Variants in ADAMTS16 observed in about 807,000 individuals in gnomAD.
ADAMTS16 encodes ADAM metallopeptidase with thrombospondin type 1 motif 16.
A neutral mutation model predicts 145.8 loss-of-function variants in ADAMTS16; 94 were observed. That is an observed-to-expected ratio of 0.64 (90% CI 0.55 to 0.77). ADAMTS16 has a LOEUF of 0.77. ADAMTS16 is among the 30% of genes least tolerant of loss of function. The pLI is 0.00. For synonymous variants in ADAMTS16, 659 were observed against 604.3 expected, an observed-to-expected ratio of 1.09 and a Z score of -1.33; for missense variants, 1,585 against 1,591.5, an observed-to-expected ratio of 1.00 and a Z score of 0.07.
intron 17 of ADAMTS16, among the ~76,000 whole-genome samples, chr5:5,258,164 T>C (rs1737860296): frequency 6.6e-6 from 1 of 152,186 alleles, no homozygotes; most frequent in Admixed American, 6.5e-5. Flanking sequence ...ATTGATTGAA[T>C]CATCCGCCGT....
At chr5:5,240,453 G>A (rs1737253357) in intron 16 of ADAMTS16, among the ~76,000 whole-genome samples, 1 of 152,244 alleles carries the variant, frequency 6.6e-6, no homozygotes, top group South Asian at 2.1e-4. Context: ...ACTCATGAAT[G>A]CAGAGGCTCA....
chr5:5,258,615 G>A (rs543249231), intron 17 of ADAMTS16, among the ~76,000 whole-genome samples: 9 of 152,264 alleles, frequency 5.9e-5, no homozygotes, highest in Non-Finnish European at 2.9e-5. Context: ...ACCTGCTGGC[G>A]AAGCCCACAG....
intron 12 of ADAMTS16, among the ~76,000 whole-genome samples, chr5:5,234,108 T>C (rs903024785): frequency 9.8e-5 from 15 of 152,330 alleles, no homozygotes; most frequent in African/African-American, 3.4e-4. Flanking sequence ...GTTGTTTCAG[T>C]CCCATCTTTA....
intron 3 of ADAMTS16, among the ~76,000 whole-genome samples, chr5:5,175,553 A>G (rs1032069639): frequency 6.6e-6 from 1 of 152,130 alleles, no homozygotes; most frequent in Non-Finnish European, 1.5e-5. Flanking sequence ...CACCGGTTGT[A>G]CACCCAACAT....
chr5:5,187,766 C>T lies in ADAMTS16; in HGVS notation c.1005C>T (p.Ile335=). 4 of 1,612,470 alleles carry T rather than the reference C, an allele frequency of 2.5e-6. No homozygotes were observed. The South Asian group carries it at 4.4e-5, about 18-fold the overall frequency. ...AAGATGGAACAATAGGAGGAAACAT[C>T]AACATTGCAATTGTAGGTCTGATTC... ...LFKDGTIGGN[I]NIAIVGLILL... Residue 335 remains isoleucine, a synonymous_variant, in exon 6 of 23, where the codon ATC becomes ATT. Transcript: ENST00000274181.
At chr5:5,145,530 G>A (rs912321458) in intron 2 of ADAMTS16, among the ~76,000 whole-genome samples, 1 of 152,210 alleles carries the variant, frequency 6.6e-6, no homozygotes, top group Non-Finnish European at 1.5e-5. Context: ...CCAGACAGCG[G>A]GTTGTTGAAT....
chr5:5,190,070 G>T lies in ADAMTS16; in HGVS notation c.1147G>T (p.Ala383Ser). ...MGKDGTRHDH[A>S]ILLTGLDICS... ...GAAAGATGGGACTCGTCATGACCACGCCATCTTACTGACTGGTCTGGATAT... is the reference window on the plus strand; with the variant it reads ...GAAAGATGGGACTCGTCATGACCACTCCATCTTACTGACTGGTCTGGATAT... Residue 383 changes from alanine to serine, a missense_variant, in exon 7 of 23, where the codon GCC becomes TCC. Around this residue, in one of 3 missense-constraint regions of ADAMTS16, gnomAD observed 298 missense variants for 367.6 expected, o/e 0.81. Transcript: ENST00000274181. 2 of 1,612,782 alleles carry T rather than the reference G, an allele frequency of 1.2e-6. No individual in the cohort carries two copies. Among genetic ancestry groups the T allele is most frequent in the Non-Finnish European group, 1.7e-6 (2 of 1,179,480 alleles).
chr5:5,147,488 T>C (rs1254102429), intron 3 of ADAMTS16, among the ~76,000 whole-genome samples: 1 of 152,222 alleles, frequency 6.6e-6, no homozygotes, highest in East Asian at 1.9e-4. Context: ...ATACTAAATA[T>C]ATGCAAATGC....
At chr5:5,140,618 C>T (rs1734132681) in intron 1 of ADAMTS16, 46 bp from the exon 2 acceptor site, 3 of 1,526,080 alleles carry the variant, frequency 2.0e-6, no homozygotes, top group South Asian at 1.2e-5. Context: ...GCTCCTCTCC[C>T]GCGGACCCCG....
At chr5:5,289,683 G>A (rs951255412) in intron 18 of ADAMTS16, among the ~76,000 whole-genome samples, 12 of 152,344 alleles carry the variant, frequency 7.9e-5, no homozygotes, top group African/African-American at 2.9e-4. Flanking sequence ...GCCAAGTGCA[G>A]CCTGCCATAC....
chr5:5,173,532 G>C (rs1355765709), intron 3 of ADAMTS16, among the ~76,000 whole-genome samples: 1 of 151,588 alleles, frequency 6.6e-6, no homozygotes, highest in Non-Finnish European at 1.5e-5. Context: ...CGAGTGCAGT[G>C]GCGTGATCTC....
At chr5:5,207,731 A>G (rs566394931) in intron 9 of ADAMTS16, among the ~76,000 whole-genome samples, 1 of 150,448 alleles carries the variant, frequency 6.6e-6, no homozygotes, top group South Asian at 2.1e-4. Flanking sequence ...TTTTATCATG[A>G]ATGAGTGTTA....
chr5:5,270,332 A>G (rs1738415234), intron 18 of ADAMTS16, among the ~76,000 whole-genome samples: 1 of 152,180 alleles, frequency 6.6e-6, no homozygotes, highest in Non-Finnish European at 1.5e-5. Context: ...CCAGAGTCAG[A>G]CAAAGGCGCT....
In ADAMTS16 at chr5:5,182,132, G is replaced by A. The variant is rs532263803; in HGVS notation, c.590G>A (p.Gly197Asp). The change falls in exon 4 of 23, where the codon GGC becomes GAC. Residue 197 changes from glycine to aspartate, a missense_variant. Transcript: ENST00000274181. ...TGGAAACTCGGCAGAGCTGCCCAAGGCAGCTCGCCATCCCACGTACTGTAC... is the reference window on the plus strand; with the variant it reads ...TGGAAACTCGGCAGAGCTGCCCAAGACAGCTCGCCATCCCACGTACTGTAC... ...LSWKLGRAAQ[G>D]SSPSHVLYKR... 1.7e-5 allele frequency: 28 copies of A among 1,614,066 alleles called. No individual in the cohort carries two copies. Among genetic ancestry groups the A allele is most frequent in the Non-Finnish European group, 1.0e-5 (12 of 1,180,036 alleles).
chr5:5,288,229 T>C (rs774152521), intron 18 of ADAMTS16, among the ~76,000 whole-genome samples: 14 of 152,160 alleles, frequency 9.2e-5, no homozygotes, highest in Non-Finnish European at 1.5e-4. Context: ...TAGTGAATCC[T>C]CCGTGATTTA....
Position 5,140,453 on chromosome 5 carries a change from T to A in ADAMTS16, c.-15T>A. On this transcript the variant is annotated 5_prime_UTR_variant, in exon 1 of 23. Coordinates refer to ENST00000274181, the MANE Select transcript of ADAMTS16 (RefSeq NM_139056.4). ...GGACCCTCCGGTGGCCCCTAGCCCC[T>A]CGGAGCGCTCCTGGATGAAGCCCCG... 1 of 1,504,006 alleles carries A rather than the reference T, an allele frequency of 6.6e-7. No individual in the cohort carries two copies. The highest frequency in any genetic ancestry group is 2.8e-5 in the East Asian group (1 of 36,328). 93.2% of individuals were successfully genotyped at this position (1,504,006 alleles called of 1,614,324 possible).
chr5:5,200,289 G>C lies in ADAMTS16; in HGVS notation c.1451+20G>C. On this transcript the variant is annotated intron_variant, in intron 9 of 22. Transcript: ENST00000274181. Reference sequence around the variant, plus strand: ...TCTAAGGTAGGAACTCTTTAAGCTGGTCTTGTGATCTTTCGGGGCCTTTGA... The same window carrying C: ...TCTAAGGTAGGAACTCTTTAAGCTGCTCTTGTGATCTTTCGGGGCCTTTGA... 2.5e-6 allele frequency: 4 copies of C among 1,613,332 alleles called. No homozygotes were observed. The highest frequency in any genetic ancestry group is 3.4e-6 in the Non-Finnish European group (4 of 1,179,590).
chr5:5,248,639 A>C lies in ADAMTS16; in HGVS notation c.2662+6448A>C, dbSNP rs181027865. On this transcript the variant is annotated intron_variant, in intron 17 of 22. Coordinates refer to ENST00000274181, the MANE Select transcript of ADAMTS16 (RefSeq NM_139056.4). ...GGACGTGCCATTAGTCAGAGAAATAATACCTGAGTCTCCATAAATGTTCGG... is the reference window on the plus strand; with the variant it reads ...GGACGTGCCATTAGTCAGAGAAATACTACCTGAGTCTCCATAAATGTTCGG... Among the ~76,000 whole-genome samples the C allele has an allele frequency of 2.3e-3, 354 of 152,338 alleles. 2 individuals carry two copies. Among genetic ancestry groups the C allele is most frequent in the African/African-American group, 6.5e-3 (271 of 41,572 alleles).
At chr5:5,188,089 C>T (rs964236250) in intron 6 of ADAMTS16, among the ~76,000 whole-genome samples, 5 of 152,130 alleles carry the variant, frequency 3.3e-5, no homozygotes, top group African/African-American at 1.2e-4. Flanking sequence ...AGGTGGGACA[C>T]ACACTAGGAA....
Sources: allele counts gnomAD v4.1 joint callset (sites outside exome capture counted in the v4.1 genomes callset), GRCh38; gene constraint gnomAD v4.1.1; regional missense constraint gnomAD v4.1.1; transcripts MANE v1.5; gene names NCBI Gene and HGNC (gene_info 2026-07-23, HGNC 2026-07-21).